URM1: variants seen among roughly 807,000 people sequenced by gnomAD.
URM1 encodes the protein ubiquitin-related modifier 1.
Under a neutral mutation model 17.7 loss-of-function variants are expected in URM1, and 11 were observed. The observed-to-expected ratio is 0.62, with a 90% CI of 0.39 to 1.03. The LOEUF is 1.03. Among genes scored for constraint, URM1 ranks in the 50% least tolerant of loss-of-function variants. The probability of loss-of-function intolerance (pLI) is 0.00; values close to 1 mark genes in which losing one functional copy is unlikely to be tolerated. For synonymous variants in URM1, 48 were observed against 50.6 expected (o/e 0.95, Z 0.22); for missense variants, 128 against 129.2 (o/e 0.99, Z 0.04).
At chr9:128,388,381 TGCACAC>T (rs1833256988) in intron 3 of URM1, 1 of 987,738 alleles carries the variant, frequency 1.0e-6, no homozygotes. Flanking sequence ...CCCATGCACA[TGCACAC>T]ACACTCACTG....
At chr9:128,372,243 C>T (rs1010089731) in intron 1 of URM1, among the ~76,000 whole-genome samples, 10 of 151,904 alleles carry the variant, frequency 6.6e-5, no homozygotes, top group African/African-American at 2.2e-4. Flanking sequence ...TACAGTATCA[C>T]GTGGAAAAGA....
At chr9:128,389,002 A>G (rs1833266650) in intron 3 of URM1, 3 of 1,302,452 alleles carry the variant, frequency 2.3e-6, no homozygotes, top group South Asian at 2.4e-5. Flanking sequence ...CAGAAACAAA[A>G]TGACCTGCCC....
rs1833281046 is a variant in URM1, at chr9:128,389,740, C to T, written c.*6C>T. 1 of 1,613,462 alleles carries T rather than the reference C, an allele frequency of 6.2e-7. No individual in the cohort carries two copies. On this transcript the variant is annotated 3_prime_UTR_variant, in exon 5 of 5. Transcript: ENST00000372853. ...CCACTCTGCACGGCGGCTGAGGGCC[C>T]TTCTCTGGGCCTGGGCACCCTTAGA...
chr9:128,374,330 G>T lies in URM1; in HGVS notation c.35+2915G>T, dbSNP rs1833050154. ...AAAAACAGCCTCGGCCTCTGAGCCT[G>T]GCACCACCAGGTTTGGCCAGTCTTG... On this transcript the variant is annotated intron_variant, in intron 1 of 4. Coordinates refer to ENST00000372853, the MANE Select transcript of URM1 (RefSeq NM_030914.4). Among the ~76,000 whole-genome samples, 5 of 152,178 alleles carry T rather than the reference G, an allele frequency of 3.3e-5. No homozygotes were observed. The South Asian group carries it at 1.0e-3, about 32-fold the overall frequency.
chr9:128,378,629 G>C (rs1221832060), intron 2 of URM1, among the ~76,000 whole-genome samples: 1 of 147,254 alleles, frequency 6.8e-6, no homozygotes, highest in Non-Finnish European at 1.5e-5. Context: ...AGCAGACCAT[G>C]TGCTGATCAC....
intron 2 of URM1, among the ~76,000 whole-genome samples, chr9:128,379,528 G>A (rs1001045466): frequency 6.0e-5 from 9 of 151,126 alleles, no homozygotes; most frequent in Non-Finnish European, 1.2e-4. Context: ...GGCTGGGCAC[G>A]GTGGCTCACG....
At chr9:128,380,861 G>A (rs987737403) in intron 2 of URM1, among the ~76,000 whole-genome samples, 4 of 151,944 alleles carry the variant, frequency 2.6e-5, no homozygotes, top group African/African-American at 9.7e-5. Flanking sequence ...GTCTCGCTCT[G>A]TTGCCCAGGC....
At position 128,387,769 on chromosome 9, in the gene URM1, G is replaced by A; in HGVS notation, c.107-47G>A. 1.2e-6 allele frequency: 2 copies of A among 1,612,590 alleles called. No homozygotes were observed. The highest frequency in any genetic ancestry group is 1.1e-5 in the South Asian group (1 of 91,042). Reference sequence around the variant, plus strand: ...CAGGCAAGGCTCTGGGGGTGGGCAGGTGCTATTTGGGTTTGACAAGAGTTT... The same window carrying A: ...CAGGCAAGGCTCTGGGGGTGGGCAGATGCTATTTGGGTTTGACAAGAGTTT... On this transcript the variant is annotated intron_variant, in intron 2 of 4. Coordinates refer to ENST00000372853, the MANE Select transcript of URM1 (RefSeq NM_030914.4). The surrounding 1 kb of genome is among the most constrained non-coding windows in gnomAD (Gnocchi z 4.3).
rs561898506 is a variant in URM1 at position 128,381,563 on chromosome 9, G to T, written c.106+3457G>T. On this transcript the variant is annotated intron_variant, in intron 2 of 4. Transcript: ENST00000372853. ...AATACAAAAATAGCTGGGCATGGTG[G>T]TGGGCACCTGTAATCCCAGGTTGAG... Among the ~76,000 whole-genome samples the T allele has an allele frequency of 1.1e-3, 169 of 152,330 alleles. 1 individual carries two copies. Among genetic ancestry groups the T allele is most frequent in the African/African-American group, 3.9e-3 (164 of 41,574 alleles).
At position 128,372,259 on chromosome 9, in the gene URM1, T is replaced by C. The variant is rs79127531; in HGVS notation, c.35+844T>C. Among the ~76,000 whole-genome samples the C allele has an allele frequency of 4.4e-3, 666 of 151,298 alleles. 10 individuals carry two copies. The highest frequency in any genetic ancestry group is 0.015 in the African/African-American group (637 of 41,180). On this transcript the variant is annotated intron_variant, in intron 1 of 4. Coordinates refer to ENST00000372853, the MANE Select transcript of URM1 (RefSeq NM_030914.4). Reference sequence around the variant, plus strand: ...ACAGTATCACGTGGAAAAGAGGAAATAGGTAGGGATGTGTGTGTGTGTGTG... The same window carrying C: ...ACAGTATCACGTGGAAAAGAGGAAACAGGTAGGGATGTGTGTGTGTGTGTG...
chr9:128,388,275 T>C lies in URM1; in HGVS notation c.188+378T>C, dbSNP rs543240765. On this transcript the variant is annotated intron_variant, in intron 3 of 4. Coordinates refer to ENST00000372853, the MANE Select transcript of URM1 (RefSeq NM_030914.4). ...GAGCTAAATATTCTGTTTTATTTCATTGTAATTTAAATAGCCACATGCAGC... is the reference window on the plus strand; with the variant it reads ...GAGCTAAATATTCTGTTTTATTTCACTGTAATTTAAATAGCCACATGCAGC... 2.1e-5 allele frequency: 23 copies of C among 1,074,066 alleles called. No individual in the cohort carries two copies. The Admixed American group carries it at 1.1e-3, about 52-fold the overall frequency. 66.5% of individuals were successfully genotyped at this position (1,074,066 alleles called of 1,614,324 possible). A position where few individuals can be genotyped will look rare whatever the true frequency, so the allele number is the denominator to read the frequency against.
chr9:128,382,688 G>A (rs996532714), intron 2 of URM1, among the ~76,000 whole-genome samples: 2 of 152,188 alleles, frequency 1.3e-5, no homozygotes, highest in Non-Finnish European at 2.9e-5. Flanking sequence ...GGGAGGTTGG[G>A]CTCGCTCTGT....
chr9:128,388,623 C>G, intron 3 of URM1: 1 of 986,368 alleles, frequency 1.0e-6, no homozygotes, highest in Non-Finnish European at 1.2e-6. Context: ...TGGAGGCCAC[C>G]TCTAAGGCCA....
intron 2 of URM1, 121 bp downstream of exon 2, chr9:128,378,227 A>G: frequency 1.5e-6 from 1 of 684,060 alleles, no homozygotes; most frequent in Non-Finnish European, 2.4e-6. Context: ...CCTCTCTAGC[A>G]GGCAGAGGAA....
chr9:128,371,552 AG>A, intron 1 of URM1, 137 bp downstream of exon 1: 2 of 860,118 alleles, frequency 2.3e-6, no homozygotes, highest in Non-Finnish European at 3.6e-6. Context: ...CTACCCGCCT[AG>A]GAGAGTCTGA....
In URM1 at chr9:128,391,174, G is replaced by A. The variant is rs1014438364; in HGVS notation, c.*1440G>A. ...CCAAAAGCATCATCCCACCCAAAAT[G>A]TTGCTTTTCATTCTATGTCAATAAT... On this transcript the variant is annotated 3_prime_UTR_variant, in exon 5 of 5. Transcript: ENST00000372853. 6.6e-6 allele frequency: 1 copy of A among 152,210 alleles called. No individual in the cohort carries two copies. Among genetic ancestry groups the A allele is most frequent in the Non-Finnish European group, 1.5e-5 (1 of 68,044 alleles). 9.4% of individuals were successfully genotyped at this position (152,210 alleles called of 1,614,324 possible).
At position 128,378,106 on chromosome 9, in the gene URM1, T is replaced by C. The variant is rs1384728298; in HGVS notation, c.106T>C (p.Trp36Arg). 1 of 1,602,924 alleles carries C rather than the reference T, an allele frequency of 6.2e-7. No individual in the cohort carries two copies. The highest frequency in any genetic ancestry group is 1.1e-5 in the South Asian group (1 of 89,404). The change falls in exon 2 of 5, where the codon TGG becomes CGG. Residue 36 changes from tryptophan to arginine, a missense_variant and splice_region_variant. Transcript: ENST00000372853. ...RVTLPGQEEPWDIRNLLIWIK... is the reference protein window; with the variant it reads ...RVTLPGQEEPRDIRNLLIWIK... Reference sequence around the variant, plus strand: ...CACTTTGCCTGGACAGGAGGAACCCTGTGAGTATTGGCTTTCTGAACCCCT... The same window carrying C: ...CACTTTGCCTGGACAGGAGGAACCCCGTGAGTATTGGCTTTCTGAACCCCT...
chr9:128,378,001 A>T (rs774357756), intron 1 of URM1, 35 bp from the exon 2 acceptor site: 3 of 1,609,736 alleles, frequency 1.9e-6, no homozygotes, highest in Non-Finnish European at 8.5e-7. Context: ...GCAGGAGCTC[A>T]CCTGGCTGTC....
At position 128,387,093 on chromosome 9, in the gene URM1, C is replaced by A. The variant is rs1477850449; in HGVS notation, c.107-723C>A. On this transcript the variant is annotated intron_variant, in intron 2 of 4. Transcript: ENST00000372853. This position sits in a 1 kb window ranked among gnomAD's most constrained non-coding sequence, Gnocchi z 4.3. ...TGGCTCTGAGCCTCCACATGACATA[C>A]AAGGAGGCTGGTGGCTCCCCCAGAA... Among the ~76,000 whole-genome samples, 2 of 152,180 alleles carry A rather than the reference C, an allele frequency of 1.3e-5. No homozygotes were observed. Among genetic ancestry groups the A allele is most frequent in the East Asian group, 3.9e-4 (2 of 5,192 alleles).
Sources: allele counts gnomAD v4.1 joint callset (sites outside exome capture counted in the v4.1 genomes callset), GRCh38; gene constraint gnomAD v4.1.1; non-coding constraint Gnocchi (gnomAD v3.1); transcripts MANE v1.5; gene names NCBI Gene and HGNC (gene_info 2026-07-23, HGNC 2026-07-21).